Variants in ABCC5 observed in about 807,000 individuals in gnomAD.
ABCC5 encodes the protein ATP binding cassette subfamily C member 5.
In ABCC5, 61 loss-of-function variants were observed where a neutral mutation model predicts 160.9. That is an observed-to-expected ratio of 0.38 (90% CI 0.31 to 0.47). The LOEUF is 0.47. ABCC5 is among the 20% of genes least tolerant of loss of function. ABCC5 has a pLI of 0.99. For missense variants in ABCC5, 1,308 were observed against 1,813.3 expected (o/e 0.72, Z 5.06); for synonymous variants, 666 against 700.6 (o/e 0.95, Z 0.78).
chr3:184,014,475 G>T, intron 1 of ABCC5, 28 bp from the exon 2 acceptor site: 1 of 1,392,050 alleles, frequency 7.2e-7, no homozygotes, highest in Non-Finnish European at 9.5e-7. Flanking sequence ...TCAAGAAATA[G>T]ATTATTTCCT....
intron 26 of ABCC5, among the ~76,000 whole-genome samples, 155 bp downstream of exon 26, chr3:183,937,746 C>T (rs1447280364): frequency 6.6e-6 from 1 of 152,180 alleles, no homozygotes; most frequent in African/African-American, 2.4e-5. Context: ...CTGCCTCTCC[C>T]TTCTGCACCA....
chr3:184,001,582 T>C (rs552867335), intron 2 of ABCC5, among the ~76,000 whole-genome samples: 24 of 152,152 alleles, frequency 1.6e-4, no homozygotes, highest in Admixed American at 2.6e-4. Context: ...CTACTAGCTC[T>C]AGCAGGTAAA....
At chr3:183,962,907 A>G (rs931749989) in intron 15 of ABCC5, among the ~76,000 whole-genome samples, 5 of 152,142 alleles carry the variant, frequency 3.3e-5, no homozygotes, top group African/African-American at 1.2e-4. Flanking sequence ...GCACTCACAA[A>G]TATACATAAT....
intron 16 of ABCC5, among the ~76,000 whole-genome samples, chr3:183,961,075 C>T (rs865836250): frequency 3.3e-5 from 5 of 152,170 alleles, no homozygotes; most frequent in Non-Finnish European, 7.3e-5. Context: ...CAGCAAGAGC[C>T]GCAGCACCTG....
chr3:183,951,431 T>C lies in ABCC5; in HGVS notation c.2944+10A>G, dbSNP rs750279156. On this transcript the variant is annotated intron_variant, in intron 20 of 29. Transcript: ENST00000334444. The surrounding 1 kb of genome is among the most constrained non-coding windows in gnomAD (Gnocchi z 4.7). ...TCCAGAGTATTAAAAAAAGGCTCAGTGAGAAATACCTTCATCCATGTCTTT... is the reference window on the plus strand; with the variant it reads ...TCCAGAGTATTAAAAAAAGGCTCAGCGAGAAATACCTTCATCCATGTCTTT... 2.5e-6 allele frequency: 4 copies of C among 1,613,596 alleles called. No individual in the cohort carries two copies. The highest frequency in any genetic ancestry group is 3.4e-6 in the Non-Finnish European group (4 of 1,179,828).
chr3:183,928,112 CTT>C (rs10715407), intron 27 of ABCC5, among the ~76,000 whole-genome samples: 128 of 138,404 alleles, frequency 9.2e-4, no homozygotes, highest in Non-Finnish European at 8.1e-4. Context: ...TGTTATGTAT[CTT>C]TTTTTTTTTT....
intron 5 of ABCC5, chr3:183,984,121 C>A (rs1718985608): frequency 1.0e-6 from 1 of 985,230 alleles, no homozygotes; most frequent in South Asian, 4.7e-5. Context: ...ACGAAAAGCT[C>A]CCCAAAGAGG....
At position 183,950,048 on chromosome 3, in the gene ABCC5, C is replaced by T. The variant is rs760372707; in HGVS notation, c.3022G>A (p.Ala1008Thr). ...ILVFFCVGMIAGVFPWFLVAV... is the reference protein window; with the variant it reads ...ILVFFCVGMITGVFPWFLVAV... ...ACAAGGAACCACGGGAAGACTCCTG[C>T]GATCATTCCCACACAGAAGAACACC... Residue 1008 changes from alanine to threonine, a missense_variant, in exon 21 of 30, where the codon GCA becomes ACA. Physicochemically the swap from Ala to Thr is moderately conservative, Grantham distance 58. Around this residue, in one of 3 missense-constraint regions of ABCC5, gnomAD observed 1,142 missense variants for 1,527.1 expected, o/e 0.75. Coordinates refer to ENST00000334444, the MANE Select transcript of ABCC5 (RefSeq NM_005688.4). The T allele has an allele frequency of 8.7e-6, 14 of 1,613,902 alleles. No individual in the cohort carries two copies. The highest frequency in any genetic ancestry group is 3.3e-5 in the Admixed American group (2 of 59,990).
intron 20 of ABCC5, among the ~76,000 whole-genome samples, chr3:183,950,910 T>C (rs1715284131): frequency 6.6e-6 from 1 of 152,218 alleles, no homozygotes; most frequent in Non-Finnish European, 1.5e-5. Flanking sequence ...TCAATAGCTG[T>C]AGATCTTGGG....
At chr3:183,967,400 G>T (rs531522147) in intron 12 of ABCC5, 3 of 352,174 alleles carry the variant, frequency 8.5e-6, no homozygotes, top group Non-Finnish European at 1.6e-5. Flanking sequence ...TTCAATACAC[G>T]GGCATACCTG....
chr3:183,942,348 AAAG>A, intron 25 of ABCC5: 4 of 460,894 alleles, frequency 8.7e-6, no homozygotes, highest in Non-Finnish European at 1.7e-5. Context: ...GATAGTTTTA[AAAG>A]AAGGCCATGA....
chr3:184,002,507 T>C (rs562001428), intron 2 of ABCC5, among the ~76,000 whole-genome samples: 1 of 152,300 alleles, frequency 6.6e-6, no homozygotes, highest in South Asian at 2.1e-4. Context: ...ACACCTCTGG[T>C]ATGAAAAACA....
Position 183,944,070 on chromosome 3 carries a change from T to G in ABCC5, c.3505-1154A>C, listed in dbSNP as rs1714611908. 2.6e-5 allele frequency among the ~76,000 whole-genome samples: 4 copies of G among 152,194 alleles called. No individual in the cohort carries two copies. The South Asian group carries it at 8.3e-4, about 31-fold the overall frequency. On this transcript the variant is annotated intron_variant, in intron 24 of 29. Coordinates refer to ENST00000334444, the MANE Select transcript of ABCC5 (RefSeq NM_005688.4). ...AGCACATCTCTATTAGAGAATCCAG[T>G]TTACGTACACTCAGTTCCCAATTGA...
In ABCC5 at chr3:183,943,573, A is replaced by G. The variant is rs565034165; in HGVS notation, c.3505-657T>C. On this transcript the variant is annotated intron_variant, in intron 24 of 29. Transcript: ENST00000334444. ...TGGGTAATTTTTATCATCAACAATC[A>G]TATCTCATGATCTTTTAAAACTCTC... 5.9e-5 allele frequency among the ~76,000 whole-genome samples: 9 copies of G among 152,292 alleles called. No individual in the cohort carries two copies. The South Asian group carries it at 1.7e-3, about 28-fold the overall frequency.
intron 22 of ABCC5, 38 bp from the exon 23 acceptor site, chr3:183,947,548 C>T: frequency 6.6e-7 from 1 of 1,513,042 alleles, no homozygotes; most frequent in Non-Finnish European, 9.0e-7. Flanking sequence ...AAAGAAAGTA[C>T]TACACAACCC....
chr3:183,971,542 G>T, intron 11 of ABCC5, 21 bp downstream of exon 11: 3 of 1,605,412 alleles, frequency 1.9e-6, no homozygotes, highest in Non-Finnish European at 2.6e-6. Context: ...CGGGCAGGGA[G>T]GCAGGGGGCG....
Position 183,938,030 on chromosome 3 carries a change from C to A in ABCC5, c.3725G>T (p.Arg1242Leu), listed in dbSNP as rs754414822. The A allele has an allele frequency of 6.2e-7, 1 of 1,614,144 alleles. No individual in the cohort carries two copies. The highest frequency in any genetic ancestry group is 1.7e-5 in the Admixed American group (1 of 60,024). ...GCAGCCTCCAGATAACTCCACCAGA[C>A]GGAAGAGGGCCATCCCCAGCGAGGA... ...GKSSLGMALF[R>L]LVELSGGCIK... The change falls in exon 26 of 30, where the codon CGT becomes CTT. Residue 1242 changes from arginine (R) to leucine (L), a missense_variant. Physicochemically the swap from Arg to Leu is moderately radical, Grantham distance 102. Transcript: ENST00000334444.
At chr3:183,959,672 AC>A in intron 17 of ABCC5, 60 bp downstream of exon 17, 1 of 1,241,280 alleles carries the variant, frequency 8.1e-7, no homozygotes, top group Non-Finnish European at 1.2e-6. Flanking sequence ...ATTACTTACT[AC>A]ACAAGTTATT....
At chr3:183,980,739 G>A (rs1718651264) in intron 8 of ABCC5, among the ~76,000 whole-genome samples, 1 of 146,914 alleles carries the variant, frequency 6.8e-6, no homozygotes, top group Admixed American at 6.9e-5. Flanking sequence ...TTTTGAGACA[G>A]TCTCGCTGCG....
Sources: gnomAD v4.1 joint callset for allele counts (sites outside exome capture counted in the v4.1 genomes callset) on GRCh38, gnomAD v4.1.1 for gene constraint, gnomAD v4.1.1 regional missense constraint, Gnocchi (gnomAD v3.1) non-coding constraint, MANE v1.5 for transcripts, NCBI Gene and HGNC (gene_info 2026-07-23, HGNC 2026-07-21) for gene names.